COL21A1: variants seen among roughly 807,000 people sequenced by gnomAD.
The protein encoded by COL21A1 is collagen alpha-1(XXI) chain.
A neutral mutation model predicts 137.9 loss-of-function variants in COL21A1; 149 were observed. The observed-to-expected ratio is 1.08, with a 90% CI of 0.95 to 1.24. The LOEUF is 1.24. Ranked by LOEUF, COL21A1 falls within the 50% of genes most tolerant of loss-of-function variation. The pLI is 0.00. For synonymous variants in COL21A1, 456 were observed against 391.5 expected (o/e 1.16, Z -1.95); for missense variants, 1,167 against 1,158.4 (o/e 1.01, Z -0.11).
intron 17 of COL21A1, among the ~76,000 whole-genome samples, chr6:56,081,843 C>T (rs1218381320): frequency 1.3e-5 from 2 of 151,786 alleles, no homozygotes; most frequent in Admixed American, 6.6e-5. Flanking sequence ...CAAAGATAAA[C>T]AATTTAAGTA....
chr6:56,221,313 T>C (rs1780815581), intron 1 of COL21A1, among the ~76,000 whole-genome samples: 1 of 152,186 alleles, frequency 6.6e-6, no homozygotes, highest in African/African-American at 2.4e-5. Flanking sequence ...TGGACCTTAA[T>C]TAATGAAACT....
chr6:56,302,416 C>A (rs2152337626), intron 1 of COL21A1, among the ~76,000 whole-genome samples: 1 of 152,062 alleles, frequency 6.6e-6, no homozygotes, highest in South Asian at 2.1e-4. Context: ...TTAATGATCG[C>A]CATTCTAACT....
intron 1 of COL21A1, among the ~76,000 whole-genome samples, chr6:56,271,465 T>C (rs766018311): frequency 6.6e-6 from 1 of 152,170 alleles, no homozygotes; most frequent in Non-Finnish European, 1.5e-5. Flanking sequence ...GACTTGAAAT[T>C]GGAACTTATG....
chr6:56,167,016 A>C (rs919396106), intron 6 of COL21A1, 33 bp from the exon 7 acceptor site: 2 of 1,510,086 alleles, frequency 1.3e-6, no homozygotes, highest in Non-Finnish European at 1.8e-6. Flanking sequence ...ATTAAAGTTG[A>C]GGCACAAGCT....
chr6:56,118,090 A>G (rs1772099458), intron 16 of COL21A1, among the ~76,000 whole-genome samples: 1 of 152,012 alleles, frequency 6.6e-6, no homozygotes, highest in East Asian at 1.9e-4. Flanking sequence ...AGATCAGAGC[A>G]GAAATCAATG....
intron 1 of COL21A1, among the ~76,000 whole-genome samples, chr6:56,298,314 G>A (rs928701261): frequency 1.3e-5 from 2 of 152,068 alleles, no homozygotes; most frequent in Admixed American, 1.3e-4. Flanking sequence ...TAGAATTTGA[G>A]TTAAATGGAA....
chr6:56,369,732 G>C (rs569765766), intron 1 of COL21A1, among the ~76,000 whole-genome samples: 5 of 152,090 alleles, frequency 3.3e-5, no homozygotes, highest in Admixed American at 2.0e-4. Flanking sequence ...TAGCCAATTC[G>C]CCAAAGAAGA....
rs571910402 is a variant in COL21A1 at position 56,216,963 on chromosome 6, C to A, written c.-39+30424G>T. On this transcript the variant is annotated intron_variant, in intron 1 of 29. Transcript: ENST00000244728. The stretch of plus-strand genomic sequence containing the variant: ...TGATTAGATGTTCCAAAGCAACCTA[C>A]AAGTATTTTCTGTATTAAGCAAACA... Among the ~76,000 whole-genome samples the A allele has an allele frequency of 2.0e-5, 3 of 152,142 alleles. No individual in the cohort carries two copies. The South Asian group carries it at 6.2e-4, about 32-fold the overall frequency.
At chr6:56,071,561 C>T (rs1385117350) in intron 20 of COL21A1, among the ~76,000 whole-genome samples, 1 of 151,564 alleles carries the variant, frequency 6.6e-6, no homozygotes, top group Non-Finnish European at 1.5e-5. Context: ...CTTGGGTTTA[C>T]TAATCAGTGA....
chr6:56,176,466 A>G (rs983014701), intron 3 of COL21A1, among the ~76,000 whole-genome samples: 2 of 152,140 alleles, frequency 1.3e-5, no homozygotes, highest in Non-Finnish European at 2.9e-5. Flanking sequence ...ACTTAAATAA[A>G]CATTTCTCCA....
At position 56,170,838 on chromosome 6, in the gene COL21A1, T is replaced by C; in HGVS notation, c.837A>G (p.Pro279=). ...TTTGAGTAGACACAAATACATATGA[T>C]GGAGGAAGACCTTCTGGGAAAACAT... is the stretch of plus-strand genomic sequence containing the variant. The part of the protein sequence containing the change: ...TSNVFPEGLP[P]SYVFVSTQRF... The change falls in exon 5 of 30, where the codon CCA becomes CCG. Residue 279 remains proline (P), a synonymous_variant. Transcript: ENST00000244728. 6.2e-7 allele frequency: 1 copy of C among 1,611,028 alleles called. No homozygotes were observed. The highest frequency in any genetic ancestry group is 2.2e-5 in the East Asian group (1 of 44,814).
chr6:56,326,971 C>T (rs947787213), intron 1 of COL21A1, among the ~76,000 whole-genome samples: 1 of 151,962 alleles, frequency 6.6e-6, no homozygotes, highest in Non-Finnish European at 1.5e-5. Context: ...TTCTTACATA[C>T]CAATTATATA....
chr6:56,141,875 G>T, intron 11 of COL21A1, 37 bp from the exon 12 acceptor site: 1 of 1,606,542 alleles, frequency 6.2e-7, no homozygotes, highest in South Asian at 1.1e-5. Flanking sequence ...GTTAATTATC[G>T]GTTTTAGTTC....
chr6:56,301,579 A>G (rs1049151842), intron 1 of COL21A1, among the ~76,000 whole-genome samples: 1 of 152,196 alleles, frequency 6.6e-6, no homozygotes, highest in Non-Finnish European at 1.5e-5. Flanking sequence ...TTCTAACTAC[A>G]GACATCAGAA....
chr6:56,168,325 T>C (rs1236322206), intron 5 of COL21A1, 28 bp from the exon 6 acceptor site: 2 of 1,489,846 alleles, frequency 1.3e-6, no homozygotes, highest in Non-Finnish European at 1.8e-6. Context: ...GGAAGATTCA[T>C]AAATAAAGCC....
intron 20 of COL21A1, among the ~76,000 whole-genome samples, chr6:56,073,255 T>C (rs1225288643): frequency 1.3e-5 from 2 of 151,452 alleles, no homozygotes; most frequent in Non-Finnish European, 3.0e-5. Context: ...CTTAGCAAGT[T>C]CAGTCATTCC....
intron 9 of COL21A1, among the ~76,000 whole-genome samples, chr6:56,160,991 C>T (rs1157449463): frequency 2.0e-5 from 3 of 152,164 alleles, no homozygotes; most frequent in African/African-American, 7.2e-5. Context: ...AACCTCTTTC[C>T]TCCCTCAGAA....
intron 1 of COL21A1, among the ~76,000 whole-genome samples, chr6:56,301,656 C>G (rs960529845): frequency 1.6e-4 from 25 of 152,116 alleles, no homozygotes; most frequent in African/African-American, 6.0e-4. Context: ...TAGATATGTA[C>G]TGTCCAACAC....
chr6:56,216,499 T>C (rs4126556), intron 1 of COL21A1, among the ~76,000 whole-genome samples: 34 of 151,860 alleles, frequency 2.2e-4, no homozygotes, highest in Admixed American at 2.0e-3. Context: ...GGATAACTTT[T>C]AAATGTGCTG....
Sources: gnomAD v4.1 joint callset for allele counts (sites outside exome capture counted in the v4.1 genomes callset) on GRCh38, gnomAD v4.1.1 for gene constraint, MANE v1.5 for transcripts, NCBI Gene and HGNC (gene_info 2026-07-23, HGNC 2026-07-21) for gene names.